The following MAGI1 variants were observed in gnomAD, a reference collection of about 807,000 sequenced individuals.
MAGI1 encodes the protein membrane associated guanylate kinase, WW and PDZ domain containing 1.
A neutral mutation model predicts 139.9 loss-of-function variants in MAGI1; 58 were observed. That is an observed-to-expected ratio of 0.41 (90% CI 0.34 to 0.52). The LOEUF (loss-of-function observed/expected upper bound fraction) is 0.52. MAGI1 is among the 20% of genes least tolerant of loss of function. The pLI, the probability that MAGI1 is intolerant of heterozygous loss-of-function variation, is 0.12. For missense variants in MAGI1, 1,874 were observed against 1,901.6 expected (o/e 0.99, Z 0.27); for synonymous variants, 812 against 737.9 (o/e 1.10, Z -1.63).
intron 1 of MAGI1, among the ~76,000 whole-genome samples, chr3:65,623,411 A>C (rs2083793348): frequency 6.6e-6 from 1 of 152,242 alleles, no homozygotes; most frequent in African/African-American, 2.4e-5. Context: ...AAAAAATCAT[A>C]ATCACAAATT....
intron 18 of MAGI1, 83 bp downstream of exon 18, chr3:65,375,662 A>C: frequency 8.5e-7 from 1 of 1,170,420 alleles, no homozygotes. Flanking sequence ...CACTAATCAA[A>C]GAGAGAGAAA....
intron 1 of MAGI1, among the ~76,000 whole-genome samples, chr3:66,009,773 A>G (rs1310740824): frequency 1.3e-5 from 2 of 151,726 alleles, no homozygotes; most frequent in Non-Finnish European, 1.5e-5. Flanking sequence ...TCAACCTAAA[A>G]GAATCATTGT....
chr3:65,565,365 T>C (rs1405830049), intron 2 of MAGI1, among the ~76,000 whole-genome samples: 2 of 152,132 alleles, frequency 1.3e-5, no homozygotes, highest in East Asian at 1.9e-4. Context: ...TAGAAATACA[T>C]AGGACCATTC....
At chr3:65,527,489 G>A (rs924183852) in intron 2 of MAGI1, among the ~76,000 whole-genome samples, 2 of 152,116 alleles carry the variant, frequency 1.3e-5, no homozygotes, top group Non-Finnish European at 2.9e-5. Context: ...ACTTTGGGAG[G>A]CCAAGGCAGG....
intron 1 of MAGI1, among the ~76,000 whole-genome samples, chr3:65,641,377 C>T (rs567615088): frequency 6.6e-6 from 1 of 152,112 alleles, no homozygotes; most frequent in Non-Finnish European, 1.5e-5. Flanking sequence ...GCGCCTAGGC[C>T]CCCACTTCAG....
At chr3:65,750,088 G>A (rs996497823) in intron 1 of MAGI1, among the ~76,000 whole-genome samples, 3 of 152,148 alleles carry the variant, frequency 2.0e-5, no homozygotes, top group African/African-American at 4.8e-5. Flanking sequence ...TGAGGGTGCT[G>A]AGGCTGGGAC....
intron 13 of MAGI1, among the ~76,000 whole-genome samples, chr3:65,396,841 TTTTG>T (rs1343436050): frequency 6.6e-6 from 1 of 152,208 alleles, no homozygotes; most frequent in African/African-American, 2.4e-5. Context: ...TGGTCATTCC[TTTTG>T]TTTGTTTCTT....
chr3:65,869,880 G>A (rs1282320944), intron 1 of MAGI1, among the ~76,000 whole-genome samples: 1 of 152,198 alleles, frequency 6.6e-6, no homozygotes, highest in Non-Finnish European at 1.5e-5. Context: ...GAATGAGAAG[G>A]CAAGAGACAC....
chr3:65,710,476 C>A (rs1294300231), intron 1 of MAGI1, among the ~76,000 whole-genome samples: 1 of 151,768 alleles, frequency 6.6e-6, no homozygotes, highest in East Asian at 1.9e-4. Flanking sequence ...GATGGGGTTT[C>A]TCCATATTGA....
intron 2 of MAGI1, among the ~76,000 whole-genome samples, chr3:65,610,803 A>AT (rs2083029129): frequency 8.0e-6 from 1 of 125,102 alleles, no homozygotes; most frequent in African/African-American, 2.9e-5. Context: ...TAGTATATAT[A>AT]GGTATATATA....
intron 1 of MAGI1, among the ~76,000 whole-genome samples, chr3:65,776,076 C>T (rs1319880310): frequency 1.3e-5 from 2 of 152,004 alleles, no homozygotes; most frequent in Non-Finnish European, 1.5e-5. Context: ...AAATAAATTA[C>T]TATAAGAATT....
intron 2 of MAGI1, among the ~76,000 whole-genome samples, chr3:65,507,428 T>C (rs140542087): frequency 6.6e-6 from 1 of 152,186 alleles, no homozygotes; most frequent in Non-Finnish European, 1.5e-5. Flanking sequence ...TGTATGAGGA[T>C]TACATGAGAC....
intron 1 of MAGI1, among the ~76,000 whole-genome samples, chr3:65,935,831 T>A (rs2063024224): frequency 6.6e-6 from 1 of 152,006 alleles, no homozygotes; most frequent in Non-Finnish European, 1.5e-5. Flanking sequence ...TGGAGGAAAA[T>A]AAACCATTGT....
At chr3:65,735,905 C>T (rs1184087610) in intron 1 of MAGI1, among the ~76,000 whole-genome samples, 1 of 152,140 alleles carries the variant, frequency 6.6e-6, no homozygotes, top group East Asian at 1.9e-4. Context: ...TCTGTGAGGA[C>T]CATTCTTACC....
intron 3 of MAGI1, among the ~76,000 whole-genome samples, chr3:65,491,364 C>T (rs1952020289): frequency 6.6e-6 from 1 of 152,150 alleles, no homozygotes; most frequent in Non-Finnish European, 1.5e-5. Flanking sequence ...ACCTATATAT[C>T]ATTTGTTCCA....
At chr3:65,545,447 C>T (rs997256191) in intron 2 of MAGI1, among the ~76,000 whole-genome samples, 1 of 152,148 alleles carries the variant, frequency 6.6e-6, no homozygotes, top group Non-Finnish European at 1.5e-5. Flanking sequence ...TTGGAGACTA[C>T]TTCCTTAAAA....
chr3:65,479,335 A>T (rs1027498222), intron 3 of MAGI1, among the ~76,000 whole-genome samples: 3 of 152,140 alleles, frequency 2.0e-5, no homozygotes, highest in African/African-American at 7.2e-5. Flanking sequence ...TCTCAGAGTC[A>T]TGCGGGGTAG....
At chr3:65,470,920 G>A (rs532555476) in intron 4 of MAGI1, among the ~76,000 whole-genome samples, 1 of 152,324 alleles carries the variant, frequency 6.6e-6, no homozygotes, top group South Asian at 2.1e-4. Flanking sequence ...CACAGACACA[G>A]TGGCATTACT....
chr3:65,898,356 G>A (rs886866556), intron 1 of MAGI1, among the ~76,000 whole-genome samples: 5 of 152,166 alleles, frequency 3.3e-5, no homozygotes, highest in African/African-American at 1.2e-4. Context: ...AAACCCTAGG[G>A]AAAGGCAGTA....
Sources: gnomAD v4.1 joint callset for allele counts (sites outside exome capture counted in the v4.1 genomes callset) on GRCh38, gnomAD v4.1.1 for gene constraint, MANE v1.5 for transcripts, NCBI Gene and HGNC (gene_info 2026-07-23, HGNC 2026-07-21) for gene names.